Variants in SMG6 observed in about 807,000 individuals in gnomAD.
SMG6 encodes telomerase-binding protein EST1A.
Under a neutral mutation model 142.2 loss-of-function variants are expected in SMG6, and 66 were observed. The ratio of observed to expected loss-of-function variants is 0.46; its 90% CI spans 0.38 to 0.57. The LOEUF is 0.57. Among genes scored for constraint, SMG6 ranks in the 20% least tolerant of loss-of-function variants. The probability of loss-of-function intolerance (pLI) is 0.00; values close to 1 mark genes in which losing one functional copy is unlikely to be tolerated. For synonymous variants in SMG6, 779 were observed against 702.4 expected (o/e 1.11, Z -1.72); for missense variants, 1,793 against 1,832.0 (o/e 0.98, Z 0.39).
chr17:2,284,413 A>G (rs555334079), intron 6 of SMG6, among the ~76,000 whole-genome samples: 2 of 152,208 alleles, frequency 1.3e-5, no homozygotes, highest in Non-Finnish European at 2.9e-5. Context: ...CAAGAAATTC[A>G]GCAAGTCTAT....
intron 9 of SMG6, among the ~76,000 whole-genome samples, chr17:2,238,895 A>G (rs929653829): frequency 6.7e-6 from 1 of 149,668 alleles, no homozygotes; most frequent in Non-Finnish European, 1.5e-5. Flanking sequence ...CTGAAAGCAG[A>G]AGGATATAAG....
At chr17:2,119,458 T>C (rs1158414241) in intron 13 of SMG6, among the ~76,000 whole-genome samples, 2 of 152,074 alleles carry the variant, frequency 1.3e-5, no homozygotes, top group African/African-American at 4.8e-5. Context: ...CCTTCCATAG[T>C]GCTGGGATTA....
intron 10 of SMG6, among the ~76,000 whole-genome samples, chr17:2,216,293 T>C (rs2073017829): frequency 6.6e-6 from 1 of 152,040 alleles, no homozygotes; most frequent in Non-Finnish European, 1.5e-5. Flanking sequence ...AGGAATTTTT[T>C]TTACAGATTT....
intron 8 of SMG6, among the ~76,000 whole-genome samples, chr17:2,247,342 C>T (rs963068637): frequency 6.6e-6 from 1 of 152,186 alleles, no homozygotes. Context: ...GTTAAGAATA[C>T]ACATTCTCTC....
chr17:2,153,776 C>A lies in SMG6; in HGVS notation c.3357+18882G>T, dbSNP rs1446861979. Reference sequence around the variant, plus strand: ...CTAGAGTGTGACGGTGACTGGGAAACCTGGGGATGCACGTAGAGTGTGATG... The same window carrying A: ...CTAGAGTGTGACGGTGACTGGGAAAACTGGGGATGCACGTAGAGTGTGATG... On this transcript the variant is annotated intron_variant, in intron 13 of 18. Coordinates refer to ENST00000263073, the MANE Select transcript of SMG6 (RefSeq NM_017575.5). Among the ~76,000 whole-genome samples, 29 of 96,268 alleles carry A rather than the reference C, an allele frequency of 3.0e-4. 1 individual carries two copies. Among genetic ancestry groups the A allele is most frequent in the African/African-American group, 1.2e-3 (26 of 21,960 alleles). 63.2% of individuals were successfully genotyped at this position (96,268 alleles called of 152,430 possible). A position where few individuals can be genotyped will look rare whatever the true frequency, so the allele number is the denominator to read the frequency against.
intron 6 of SMG6, among the ~76,000 whole-genome samples, chr17:2,284,468 G>A (rs2074860274): frequency 1.3e-5 from 2 of 152,210 alleles, no homozygotes; most frequent in African/African-American, 2.4e-5. Context: ...GAAAAAGGAA[G>A]TGGGTCAGAA....
intron 13 of SMG6, among the ~76,000 whole-genome samples, chr17:2,158,228 A>G (rs2071066970): frequency 6.6e-6 from 1 of 152,196 alleles, no homozygotes; most frequent in South Asian, 2.1e-4. Flanking sequence ...CTCATTGTGC[A>G]ATTTCAATCT....
At chr17:2,141,323 AT>A (rs1172714948) in intron 13 of SMG6, among the ~76,000 whole-genome samples, 4 of 152,266 alleles carry the variant, frequency 2.6e-5, no homozygotes, top group African/African-American at 9.6e-5. Context: ...CGTAAAGAGA[AT>A]TTCAAGTATA....
intron 10 of SMG6, among the ~76,000 whole-genome samples, chr17:2,209,331 T>C (rs1193867120): frequency 2.0e-5 from 3 of 152,112 alleles, no homozygotes; most frequent in South Asian, 2.1e-4. Context: ...GCCTCCCAAG[T>C]AGCTGGGATT....
At chr17:2,193,879 G>A (rs982779187) in intron 10 of SMG6, among the ~76,000 whole-genome samples, 2 of 152,236 alleles carry the variant, frequency 1.3e-5, no homozygotes, top group African/African-American at 4.8e-5. Context: ...CTAGACTGGA[G>A]TGGTGCAGTG....
rs8073944 is a variant in SMG6 at position 2,085,278 on chromosome 17, A to C, written c.3534+447T>G. Among the ~76,000 whole-genome samples, 1 of 97,572 alleles carries C rather than the reference A, an allele frequency of 1.0e-5. No homozygotes were observed. Among genetic ancestry groups the C allele is most frequent in the South Asian group, 3.4e-4 (1 of 2,906 alleles). The allele number at this position is 97,572 out of a possible 152,430, so 64.0% of individuals were successfully genotyped here. ...ATGTGCAGGAGGGAGGGAGGGAACAAGGGAGGGAGGGTAGGGCAGGGGAGG... is the reference window on the plus strand; with the variant it reads ...ATGTGCAGGAGGGAGGGAGGGAACACGGGAGGGAGGGTAGGGCAGGGGAGG... On this transcript the variant is annotated intron_variant, in intron 14 of 18. Transcript: ENST00000263073. The surrounding 1 kb of genome is among the most constrained non-coding windows in gnomAD (Gnocchi z 4.1).
At chr17:2,114,811 C>T (rs954063532) in intron 13 of SMG6, among the ~76,000 whole-genome samples, 1 of 151,706 alleles carries the variant, frequency 6.6e-6, no homozygotes, top group Non-Finnish European at 1.5e-5. Flanking sequence ...CGCCTGTAAT[C>T]CCAGCTACTC....
At chr17:2,224,377 T>C (rs898238459) in intron 10 of SMG6, among the ~76,000 whole-genome samples, 2 of 152,086 alleles carry the variant, frequency 1.3e-5, no homozygotes, top group African/African-American at 4.8e-5. Context: ...ACAAGTATAT[T>C]TGGGAAATAA....
chr17:2,088,464 T>C (rs2068625875), intron 13 of SMG6: 1 of 985,338 alleles, frequency 1.0e-6, no homozygotes, highest in Admixed American at 6.1e-5. Flanking sequence ...AGGAAATTGG[T>C]TTCCTTGGGG....
intron 6 of SMG6, among the ~76,000 whole-genome samples, chr17:2,289,719 TG>T (rs969001920): frequency 5.3e-5 from 8 of 151,934 alleles, no homozygotes; most frequent in Admixed American, 5.3e-4. Flanking sequence ...AAGACCAGCC[TG>T]GCCAACATGG....
chr17:2,242,317 C>A (rs563024060), intron 9 of SMG6, among the ~76,000 whole-genome samples: 138 of 142,202 alleles, frequency 9.7e-4, no homozygotes, highest in Non-Finnish European at 1.4e-3. Context: ...TCGAGACCAT[C>A]CTGGCTAACG....
At chr17:2,184,170 C>T (rs2071896715) in intron 12 of SMG6, among the ~76,000 whole-genome samples, 1 of 151,778 alleles carries the variant, frequency 6.6e-6, no homozygotes, top group African/African-American at 2.4e-5. Context: ...TGAGACCAGC[C>T]TGACCAGCAT....
At chr17:2,074,666 C>T (rs1156872851) in intron 15 of SMG6, among the ~76,000 whole-genome samples, 4 of 152,222 alleles carry the variant, frequency 2.6e-5, no homozygotes, top group African/African-American at 7.2e-5. Flanking sequence ...GAACTGCCTA[C>T]TTTTCTTGCA....
intron 13 of SMG6, among the ~76,000 whole-genome samples, chr17:2,118,897 C>CTT (rs57747544): frequency 1.5e-5 from 2 of 129,190 alleles, no homozygotes; most frequent in East Asian, 2.2e-4. Context: ...CTCAATGTAG[C>CTT]TTTTTTTTTT....
Sources: allele counts gnomAD v4.1 joint callset (sites outside exome capture counted in the v4.1 genomes callset), GRCh38; gene constraint gnomAD v4.1.1; non-coding constraint Gnocchi (gnomAD v3.1); transcripts MANE v1.5; gene names NCBI Gene and HGNC (gene_info 2026-07-23, HGNC 2026-07-21).